The following MAP4K3 variants were observed in gnomAD, a reference collection of about 807,000 sequenced individuals.
The protein encoded by MAP4K3 is mitogen-activated protein kinase kinase kinase kinase 3.
MAP4K3 carries 94 observed loss-of-function variants against 143.5 expected under a neutral mutation model. The ratio of observed to expected loss-of-function variants is 0.65; its 90% CI spans 0.55 to 0.78. MAP4K3 has a LOEUF of 0.78. MAP4K3 is among the 30% of genes least tolerant of loss of function. The probability of loss-of-function intolerance (pLI) is 0.00; values close to 1 mark genes in which losing one functional copy is unlikely to be tolerated. For synonymous variants in MAP4K3, 416 were observed against 347.2 expected (o/e 1.20, Z -2.20); for missense variants, 1,077 against 1,068.1 (o/e 1.01, Z -0.12).
chr2:39,314,664 T>G (rs1272412154), intron 13 of MAP4K3, among the ~76,000 whole-genome samples: 6 of 152,178 alleles, frequency 3.9e-5, no homozygotes, highest in Non-Finnish European at 1.5e-5. Flanking sequence ...TTCGAGGGAT[T>G]CTTGTTGGCA....
intron 3 of MAP4K3, among the ~76,000 whole-genome samples, chr2:39,349,639 G>T (rs2148543328): frequency 6.6e-6 from 1 of 151,874 alleles, no homozygotes; most frequent in South Asian, 2.1e-4. Flanking sequence ...GGAGGGAGAA[G>T]GGAAGAGAAG....
At chr2:39,292,577 T>A (rs11124672) in intron 18 of MAP4K3, among the ~76,000 whole-genome samples, 196 bp downstream of exon 18, 3 of 152,026 alleles carry the variant, frequency 2.0e-5, no homozygotes, top group Non-Finnish European at 2.9e-5. Context: ...TAAATTTCTG[T>A]TGTCTAAGTC....
Position 39,250,684 on chromosome 2 carries a change from C to T in MAP4K3, c.2619G>A (p.Arg873=). ...TATTTGCTGTGGGGTTATCAGTTGGCCTACTTTCCAAAACCACGACCCTGA... is the reference window on the plus strand; with the variant it reads ...TATTTGCTGTGGGGTTATCAGTTGGTCTACTTTCCAAAACCACGACCCTGA... ...GSDRVVVLES[R]PTDNPTANSN... is the part of the protein sequence containing the mutation. The change falls in exon 34 of 34, where the codon AGG becomes AGA. Residue 873 remains arginine, a synonymous_variant. Coordinates refer to ENST00000263881, the MANE Select transcript of MAP4K3 (RefSeq NM_003618.4). The T allele has an allele frequency of 6.2e-7, 1 of 1,613,640 alleles. No individual in the cohort carries two copies. Among genetic ancestry groups the T allele is most frequent in the Non-Finnish European group, 8.5e-7 (1 of 1,179,672 alleles).
intron 32 of MAP4K3, 81 bp from the exon 33 acceptor site, chr2:39,251,966 A>T: frequency 2.2e-6 from 2 of 900,984 alleles, no homozygotes; most frequent in Non-Finnish European, 3.6e-6. Flanking sequence ...AATTCAACAG[A>T]AAAGAAACAT....
Position 39,265,256 on chromosome 2 carries a change from T to C in MAP4K3, c.2083A>G (p.Ser695Gly). 1.2e-6 allele frequency: 2 copies of C among 1,613,658 alleles called. No individual in the cohort carries two copies. The highest frequency in any genetic ancestry group is 1.7e-6 in the Non-Finnish European group (2 of 1,179,628). ...HKYLCGALQT[S>G]IVLLEWVEPM... ...TCAACCCATTCTAATAGAACAATGCTAGTCTGAAGTGCTCCACATAGGTAT... is the reference window on the plus strand; with the variant it reads ...TCAACCCATTCTAATAGAACAATGCCAGTCTGAAGTGCTCCACATAGGTAT... The change falls in exon 28 of 34, where the codon AGC becomes GGC. Residue 695 changes from serine to glycine, a missense_variant. Coordinates refer to ENST00000263881, the MANE Select transcript of MAP4K3 (RefSeq NM_003618.4).
intron 12 of MAP4K3, among the ~76,000 whole-genome samples, chr2:39,322,498 A>ATAGAAACT (rs1431390352): frequency 6.6e-6 from 1 of 152,076 alleles, no homozygotes; most frequent in Non-Finnish European, 1.5e-5. Context: ...TACTTCTAAA[A>ATAGAAACT]TAGAAACTAC....
intron 6 of MAP4K3, among the ~76,000 whole-genome samples, chr2:39,336,539 T>G (rs1486564444): frequency 6.6e-6 from 1 of 150,814 alleles, no homozygotes; most frequent in African/African-American, 2.4e-5. Flanking sequence ...TTATCCATTT[T>G]GATGCATTAC....
At chr2:39,315,576 A>G in intron 12 of MAP4K3, 188 bp from the exon 13 acceptor site, 1 of 529,682 alleles carries the variant, frequency 1.9e-6, no homozygotes, top group Non-Finnish European at 3.3e-6. Context: ...GTGAAAAAAT[A>G]TTTTTATTAT....
chr2:39,363,307 A>T lies in MAP4K3; in HGVS notation c.155-6968T>A, dbSNP rs113086955. ...AAAATATTTGCAAACCATATATCTG[A>T]TGAGGGGTTACTAGGCACTCCTACA... On this transcript the variant is annotated intron_variant, in intron 2 of 33. Transcript: ENST00000263881. Among the ~76,000 whole-genome samples the T allele has an allele frequency of 1.3e-3, 198 of 152,338 alleles. 3 individuals carry two copies. The highest frequency in any genetic ancestry group is 4.6e-3 in the African/African-American group (192 of 41,586).
rs762873464 is a variant in MAP4K3 at position 39,282,571 on chromosome 2, T to A, written c.1588-17A>T. The A allele has an allele frequency of 1.3e-6, 2 of 1,598,608 alleles. No individual in the cohort carries two copies. Among genetic ancestry groups the A allele is most frequent in the East Asian group, 2.2e-5 (1 of 44,680 alleles). On this transcript the variant is annotated splice_polypyrimidine_tract_variant and intron_variant, in intron 21 of 33. Transcript: ENST00000263881. ...AATAGGCTTCTAGAAAAAGAACACATGTATGATTACACTTTTTTTGCTGCT... is the reference window on the plus strand; with the variant it reads ...AATAGGCTTCTAGAAAAAGAACACAAGTATGATTACACTTTTTTTGCTGCT...
intron 16 of MAP4K3, among the ~76,000 whole-genome samples, chr2:39,297,383 G>A (rs1264810897): frequency 1.3e-5 from 2 of 152,138 alleles, no homozygotes. Context: ...CTCCAAAAGT[G>A]CTGGGATTAC....
chr2:39,381,911 G>A (rs1251763644), intron 1 of MAP4K3, among the ~76,000 whole-genome samples: 2 of 152,080 alleles, frequency 1.3e-5, no homozygotes, highest in East Asian at 1.9e-4. Context: ...CCTGGCCCTG[G>A]TCTCACACCT....
chr2:39,321,983 C>T (rs1052452495), intron 12 of MAP4K3, among the ~76,000 whole-genome samples: 5 of 152,210 alleles, frequency 3.3e-5, no homozygotes, highest in South Asian at 2.1e-4. Flanking sequence ...CAGAGGCTGG[C>T]GGGATCCTCC....
In MAP4K3 at chr2:39,313,295, T is replaced by C. The variant is rs189410849; in HGVS notation, c.997+2015A>G. Reference sequence around the variant, plus strand: ...GGTAAACTTGCATCGCGGGGGTTTATTGTACAGATTATTTCGTCACCCAGG... The same window carrying C: ...GGTAAACTTGCATCGCGGGGGTTTACTGTACAGATTATTTCGTCACCCAGG... On this transcript the variant is annotated intron_variant, in intron 13 of 33. Transcript: ENST00000263881. Among the ~76,000 whole-genome samples, 4 of 152,268 alleles carry C rather than the reference T, an allele frequency of 2.6e-5. No individual in the cohort carries two copies. The South Asian group carries it at 8.3e-4, about 32-fold the overall frequency.
intron 1 of MAP4K3, among the ~76,000 whole-genome samples, chr2:39,436,173 A>G (rs1472252434): frequency 2.0e-5 from 3 of 152,178 alleles, no homozygotes; most frequent in Non-Finnish European, 2.9e-5. Context: ...TCCCTCTACA[A>G]CAGGAATGCT....
At chr2:39,400,518 C>A (rs889827238) in intron 1 of MAP4K3, among the ~76,000 whole-genome samples, 2 of 151,732 alleles carry the variant, frequency 1.3e-5, no homozygotes, top group African/African-American at 4.8e-5. Context: ...ATTGTTCCCC[C>A]CTCTCTTTCT....
At chr2:39,325,480 A>G (rs373200455) in intron 12 of MAP4K3, 38 bp downstream of exon 12, 41 of 1,397,622 alleles carry the variant, frequency 2.9e-5, no homozygotes, top group Non-Finnish European at 3.7e-5. Context: ...ATACACATAT[A>G]CATGTTATAT....
At position 39,392,317 on chromosome 2, in the gene MAP4K3, G is replaced by A. The variant is rs139021603; in HGVS notation, c.97-14194C>T. The stretch of plus-strand genomic sequence containing the variant: ...ATGGGATAAATGTTAAGTGAAAAAT[G>A]CATATTTTTTAATTCAAAAAAGAAA... On this transcript the variant is annotated intron_variant, in intron 1 of 33. Transcript: ENST00000263881. 3.2e-4 allele frequency among the ~76,000 whole-genome samples: 49 copies of A among 151,644 alleles called. 1 individual carries two copies. In the East Asian group the frequency reaches 9.5e-3, roughly 29 times the overall value.
chr2:39,328,545 G>A (rs1182876772), intron 8 of MAP4K3, among the ~76,000 whole-genome samples: 3 of 152,124 alleles, frequency 2.0e-5, no homozygotes, highest in Non-Finnish European at 4.4e-5. Context: ...CAGATCAGGG[G>A]TTACCAGATG....
Sources: gnomAD v4.1 joint callset for allele counts (sites outside exome capture counted in the v4.1 genomes callset) on GRCh38, gnomAD v4.1.1 for gene constraint, MANE v1.5 for transcripts, NCBI Gene and HGNC (gene_info 2026-07-23, HGNC 2026-07-21) for gene names.